SPIRE1: variants seen among roughly 807,000 people sequenced by gnomAD.
SPIRE1 encodes the protein spire type actin nucleation factor 1, also known as protein spire homolog 1.
In SPIRE1, 40 loss-of-function variants were observed where a neutral mutation model predicts 94.1. The observed-to-expected ratio is 0.43, with a 90% CI of 0.33 to 0.55. The LOEUF (loss-of-function observed/expected upper bound fraction) is 0.55, where lower values mean the gene tolerates loss of function less well. Ranked by LOEUF, SPIRE1 falls within the 20% of genes least tolerant of loss-of-function variation. The pLI is 0.06. For missense variants in SPIRE1, 838 were observed against 975.2 expected (o/e 0.86, Z 1.87); for synonymous variants, 376 against 371.7 (o/e 1.01, Z -0.13).
intron 5 of SPIRE1, among the ~76,000 whole-genome samples, chr18:12,510,625 C>T (rs567053042): frequency 4.6e-5 from 7 of 152,116 alleles, no homozygotes; most frequent in Admixed American, 4.6e-4. Context: ...TCACCCCAAC[C>T]TCCACCTCCC....
At chr18:12,543,416 C>T (rs952523369) in intron 3 of SPIRE1, among the ~76,000 whole-genome samples, 2 of 152,192 alleles carry the variant, frequency 1.3e-5, no homozygotes, top group African/African-American at 4.8e-5. Flanking sequence ...GATATTTTAC[C>T]TTTATTGTTG....
chr18:12,503,941 A>G (rs1157286415), intron 6 of SPIRE1, among the ~76,000 whole-genome samples: 2 of 147,062 alleles, frequency 1.4e-5, no homozygotes, highest in Non-Finnish European at 3.0e-5. Flanking sequence ...ATAAATAATC[A>G]TCATCACAGT....
intron 8 of SPIRE1, among the ~76,000 whole-genome samples, chr18:12,489,463 T>G (rs2033155597): frequency 6.6e-6 from 1 of 152,212 alleles, no homozygotes. Context: ...AAGAAGGGGA[T>G]GCAATTATTT....
At chr18:12,495,700 GC>G (rs1168245025) in intron 7 of SPIRE1, among the ~76,000 whole-genome samples, 2 of 152,064 alleles carry the variant, frequency 1.3e-5, no homozygotes, top group Non-Finnish European at 2.9e-5. Context: ...ACCAGCGTGG[GC>G]AACATGGCAA....
chr18:12,606,430 G>T (rs962527185), intron 2 of SPIRE1, among the ~76,000 whole-genome samples: 1 of 152,012 alleles, frequency 6.6e-6, no homozygotes, highest in Non-Finnish European at 1.5e-5. Context: ...AAAGGAGAAG[G>T]TGTCTGATAA....
intron 2 of SPIRE1, among the ~76,000 whole-genome samples, chr18:12,570,109 C>A (rs1429546313): frequency 6.6e-6 from 1 of 152,206 alleles, no homozygotes; most frequent in Non-Finnish European, 1.5e-5. Context: ...GTCTTCCCAT[C>A]ACCACGTTAT....
intron 1 of SPIRE1, among the ~76,000 whole-genome samples, chr18:12,651,904 CA>C (rs2144896250): frequency 6.6e-6 from 1 of 152,234 alleles, no homozygotes; most frequent in East Asian, 1.9e-4. Flanking sequence ...TTAGTATGCA[CA>C]CAGGCATTCA....
chr18:12,497,357 T>C (rs1470464506), intron 6 of SPIRE1, among the ~76,000 whole-genome samples: 2 of 152,200 alleles, frequency 1.3e-5, no homozygotes, highest in African/African-American at 2.4e-5. Context: ...ACAACTTAAA[T>C]TCCCATTCTG....
chr18:12,459,982 A>G (rs2031710433), intron 12 of SPIRE1: 3 of 876,602 alleles, frequency 3.4e-6, no homozygotes, highest in Non-Finnish European at 2.7e-6. Context: ...AAAAGGAGAA[A>G]ATAATGCTGA....
intron 10 of SPIRE1, among the ~76,000 whole-genome samples, chr18:12,477,985 C>T (rs192115644): frequency 4.3e-4 from 65 of 151,958 alleles, no homozygotes; most frequent in African/African-American, 1.3e-3. Context: ...GAGTGCAAGA[C>T]GGAATTTGGG....
At chr18:12,551,188 T>C (rs976442627) in intron 2 of SPIRE1, among the ~76,000 whole-genome samples, 25 of 152,158 alleles carry the variant, frequency 1.6e-4, no homozygotes, top group African/African-American at 4.8e-5. Context: ...GTAAGGCCCA[T>C]AATGCTTTGG....
intron 2 of SPIRE1, among the ~76,000 whole-genome samples, chr18:12,573,624 A>G (rs769626221): frequency 6.6e-6 from 1 of 152,276 alleles, no homozygotes; most frequent in East Asian, 1.9e-4. Context: ...AAGATAAAAA[A>G]GAAATGAGCT....
intron 2 of SPIRE1, among the ~76,000 whole-genome samples, chr18:12,619,554 A>G (rs1243672989): frequency 6.6e-6 from 1 of 151,872 alleles, no homozygotes; most frequent in Non-Finnish European, 1.5e-5. Flanking sequence ...TAAAAAATAA[A>G]AAAATAAACA....
chr18:12,451,749 C>T (rs535140962), intron 16 of SPIRE1, among the ~76,000 whole-genome samples: 16 of 152,336 alleles, frequency 1.1e-4, no homozygotes, highest in Admixed American at 5.2e-4. Flanking sequence ...CTAAACTTAC[C>T]CTGCACTAAA....
chr18:12,549,439 GTTTTTTTTTTTTTTTTTT>G (rs869122444), intron 2 of SPIRE1, among the ~76,000 whole-genome samples: 6 of 41,252 alleles, frequency 1.5e-4, no homozygotes, highest in African/African-American at 7.3e-4. Context: ...TGTTATTGTT[GTTTTTTTTTTTTTTTTTT>G]TTTTTTTTTT....
chr18:12,637,228 A>G (rs11659510), intron 1 of SPIRE1, among the ~76,000 whole-genome samples: 85,147 of 151,668 alleles, frequency 0.56, 25,020 homozygotes, highest in Middle Eastern at 0.76. Context: ...GTGTGGTGGC[A>G]AGTGCCTGTA....
intron 1 of SPIRE1, among the ~76,000 whole-genome samples, chr18:12,637,030 C>A (rs2037948256): frequency 6.6e-6 from 1 of 152,166 alleles, no homozygotes; most frequent in Non-Finnish European, 1.5e-5. Flanking sequence ...GAGAGGAGCA[C>A]TCAGGCAAAC....
intron 2 of SPIRE1, among the ~76,000 whole-genome samples, chr18:12,564,663 CA>C (rs996770094): frequency 1.3e-5 from 2 of 151,982 alleles, no homozygotes; most frequent in African/African-American, 4.8e-5. Context: ...GCTTCCAGAG[CA>C]GAGCATTATA....
intron 5 of SPIRE1, among the ~76,000 whole-genome samples, chr18:12,508,675 GTTT>G (rs1214659836): frequency 2.1e-5 from 3 of 139,782 alleles, no homozygotes; most frequent in Admixed American, 7.2e-5. Flanking sequence ...AACACACTTG[GTTT>G]TTTTTTTTTT....
Sources: gnomAD v4.1 joint callset for allele counts (sites outside exome capture counted in the v4.1 genomes callset) on GRCh38, gnomAD v4.1.1 for gene constraint, MANE v1.5 for transcripts, NCBI Gene and HGNC (gene_info 2026-07-23, HGNC 2026-07-21) for gene names.